The following QTGAL variants were observed in gnomAD, a reference collection of about 807,000 sequenced individuals.
QTGAL encodes BGnT-like protein 1.
chr17:82,961,742 G>A, the QTGAL span, among the ~76,000 whole-genome samples: 5 of 152,226 alleles, frequency 3.3e-5, no homozygotes, highest in African/African-American at 9.6e-5. Context: ...CTCAGCCCAC[G>A]GGGCTTATCC....
At chr17:82,970,179 G>A in the QTGAL span, among the ~76,000 whole-genome samples, 1 of 152,170 alleles carries the variant, frequency 6.6e-6, no homozygotes, top group African/African-American at 2.4e-5. Flanking sequence ...CCCCGAGGGG[G>A]TCCTGGAAGC....
At chr17:83,016,104 A>C in the QTGAL span, among the ~76,000 whole-genome samples, 1 of 152,182 alleles carries the variant, frequency 6.6e-6, no homozygotes, top group Non-Finnish European at 1.5e-5. Flanking sequence ...TATTTGCTTC[A>C]TAATTAACTT....
the QTGAL span, among the ~76,000 whole-genome samples, chr17:82,974,671 C>T: frequency 1.3e-5 from 2 of 152,280 alleles, no homozygotes; most frequent in Admixed American, 1.3e-4. Context: ...CCCCCCACAG[C>T]GGGTGTCCCT....
At chr17:83,029,594 T>C in the QTGAL span, among the ~76,000 whole-genome samples, 3 of 152,102 alleles carry the variant, frequency 2.0e-5, no homozygotes, top group African/African-American at 7.2e-5. Context: ...GGAGTCCTAA[T>C]TAGGGAAGAG....
the QTGAL span, among the ~76,000 whole-genome samples, chr17:83,023,731 A>G: frequency 6.6e-6 from 1 of 152,080 alleles, no homozygotes; most frequent in Non-Finnish European, 1.5e-5. Flanking sequence ...CATGCTGGGG[A>G]GGCGCCAGAT....
At chr17:82,967,196 A>G in the QTGAL span, among the ~76,000 whole-genome samples, 1 of 152,156 alleles carries the variant, frequency 6.6e-6, no homozygotes, top group East Asian at 1.9e-4. Context: ...GGACACCAAC[A>G]TATCATTTTG....
the QTGAL span, among the ~76,000 whole-genome samples, chr17:83,033,049 C>T: frequency 2.6e-5 from 4 of 152,326 alleles, no homozygotes; most frequent in South Asian, 2.1e-4. Context: ...AGACGCTGAG[C>T]GGCACCCCAG....
the QTGAL span, among the ~76,000 whole-genome samples, chr17:83,027,053 GA>G: frequency 6.8e-6 from 1 of 146,794 alleles, no homozygotes; most frequent in African/African-American, 2.6e-5. Context: ...CAGACACGCA[GA>G]GCAGGGCGGG....
At chr17:83,017,991 CGTGCTCCGTG>C in the QTGAL span, among the ~76,000 whole-genome samples, 4 of 141,248 alleles carry the variant, frequency 2.8e-5, no homozygotes, top group Admixed American at 7.0e-5. Flanking sequence ...AGGTACCACA[CGTGCTCCGTG>C]AACACCGTGC....
chr17:82,963,612 G>A, the QTGAL span, among the ~76,000 whole-genome samples: 7 of 152,192 alleles, frequency 4.6e-5, no homozygotes, highest in South Asian at 2.1e-4. Context: ...TGGGATATGC[G>A]GGGAGGTGGC....
At chr17:82,947,153 C>T in the QTGAL span, 1 of 571,010 alleles carries the variant, frequency 1.8e-6, no homozygotes, top group Non-Finnish European at 3.1e-6. Context: ...GAGAGGGCAG[C>T]AGCCGGCACT....
chr17:82,980,816 C>T, the QTGAL span, among the ~76,000 whole-genome samples: 24 of 152,220 alleles, frequency 1.6e-4, no homozygotes, highest in Non-Finnish European at 3.4e-4. Context: ...TTGCGTAGCT[C>T]GTGGGCCATT....
chr17:82,989,051 C>T, the QTGAL span, among the ~76,000 whole-genome samples: 1 of 152,076 alleles, frequency 6.6e-6, no homozygotes, highest in Admixed American at 6.5e-5. Flanking sequence ...TACATGCACG[C>T]GTATGTTCAC....
At chr17:83,038,243 T>C in the QTGAL span, among the ~76,000 whole-genome samples, 3 of 152,280 alleles carry the variant, frequency 2.0e-5, no homozygotes, top group East Asian at 5.8e-4. Flanking sequence ...ACCAACCATA[T>C]TTTATTAAAG....
At chr17:82,995,996 G>A in the QTGAL span, among the ~76,000 whole-genome samples, 1 of 151,538 alleles carries the variant, frequency 6.6e-6, no homozygotes, top group South Asian at 2.1e-4. Flanking sequence ...TTACAACAGT[G>A]ATAACTAAAA....
the QTGAL span, among the ~76,000 whole-genome samples, chr17:83,014,682 A>G: frequency 1.5e-4 from 23 of 152,230 alleles, 1 homozygote; most frequent in Non-Finnish European, 3.4e-4. Flanking sequence ...CAGCCTCCCA[A>G]AGAGTTGGGA....
the QTGAL span, among the ~76,000 whole-genome samples, chr17:82,984,810 G>A: frequency 2.6e-4 from 40 of 152,256 alleles, 1 homozygote; most frequent in South Asian, 5.8e-3. Context: ...GCAGGGGTCC[G>A]CGTCACACCA....
At chr17:83,046,362 C>G in the QTGAL span, among the ~76,000 whole-genome samples, 1 of 152,176 alleles carries the variant, frequency 6.6e-6, no homozygotes, top group African/African-American at 2.4e-5. Context: ...GTCTCAAACT[C>G]CTGACCTCAG....
the QTGAL span, among the ~76,000 whole-genome samples, chr17:83,048,092 T>C: frequency 6.6e-6 from 1 of 152,312 alleles, no homozygotes; most frequent in African/African-American, 2.4e-5. Context: ...AGTGGCACGA[T>C]CTCGGTTCAC....
Sources: gnomAD v4.1 joint callset for allele counts (sites outside exome capture counted in the v4.1 genomes callset) on GRCh38, gnomAD v4.1.1 for gene constraint, MANE v1.5 for transcripts, NCBI Gene and HGNC (gene_info 2026-07-23, HGNC 2026-07-21) for gene names.